CLSTN1: variants seen among roughly 807,000 people sequenced by gnomAD.
The protein encoded by CLSTN1 is calsyntenin 1, also known as calsyntenin-1.
Under a neutral mutation model 108.3 loss-of-function variants are expected in CLSTN1, and 28 were observed. The observed-to-expected ratio is 0.26, with a 90% CI of 0.19 to 0.35. The LOEUF (loss-of-function observed/expected upper bound fraction) is 0.35, where lower values mean the gene tolerates loss of function less well. CLSTN1 is among the 10% of genes least tolerant of loss of function. The pLI, the probability that CLSTN1 is intolerant of heterozygous loss-of-function variation, is 1.00. For synonymous variants in CLSTN1, 524 were observed against 534.9 expected, an observed-to-expected ratio of 0.98 and a Z score of 0.28; for missense variants, 1,157 against 1,302.6, an observed-to-expected ratio of 0.89 and a Z score of 1.72.
chr1:9,752,811 G>A (rs1473322779), intron 4 of CLSTN1, among the ~76,000 whole-genome samples: 7 of 152,118 alleles, frequency 4.6e-5, no homozygotes, highest in African/African-American at 1.2e-4. Flanking sequence ...GCAGTGAGCC[G>A]AGATTGTGCC....
At position 9,735,616 on chromosome 1, in the gene CLSTN1, C is replaced by G; in HGVS notation, c.1735-1G>C. 1 of 1,613,996 alleles carries G rather than the reference C, an allele frequency of 6.2e-7. No individual in the cohort carries two copies. Among genetic ancestry groups the G allele is most frequent in the Non-Finnish European group, 8.5e-7 (1 of 1,179,982 alleles). On this transcript the variant is annotated splice_acceptor_variant, in intron 12 of 18. Transcript: ENST00000377298. LOFTEE classifies it high-confidence loss of function. ...CCAACTGGCTGGGGTGTGCTTGGAT[C>G]TGAAATCACACCAGCCACAGAGAGG...
Position 9,732,027 on chromosome 1 carries a change from G to A in CLSTN1, c.2428-131C>T, listed in dbSNP as rs114745786. ...TCCTGGACCGCAGCTGGGGGCAAAC[G>A]GAGCTACGGGAAAAGGACAGAAAAA... is the stretch of plus-strand genomic sequence containing the variant. On this transcript the variant is annotated intron_variant, in intron 16 of 18. Transcript: ENST00000377298. The A allele has an allele frequency of 1.8e-3, 1,633 of 921,288 alleles. 16 individuals carry two copies. The African/African-American group carries it at 0.024, about 14-fold the overall frequency. The allele number at this position is 921,288 out of a possible 1,614,324, so 57.1% of individuals were successfully genotyped here.
chr1:9,739,139 C>T (rs1247748941), intron 10 of CLSTN1, among the ~76,000 whole-genome samples: 11 of 152,304 alleles, frequency 7.2e-5, no homozygotes, highest in Middle Eastern at 3.4e-3. Context: ...GGAAAAATTA[C>T]ATGCTTATTT....
intron 4 of CLSTN1, among the ~76,000 whole-genome samples, chr1:9,753,637 G>A (rs906802790): frequency 4.6e-5 from 7 of 151,926 alleles, no homozygotes; most frequent in East Asian, 3.9e-4. Flanking sequence ...GACTACAGGC[G>A]CGTGCCACCA....
chr1:9,763,741 T>C (rs929077076), intron 2 of CLSTN1, among the ~76,000 whole-genome samples: 8 of 152,152 alleles, frequency 5.3e-5, no homozygotes, highest in Admixed American at 2.6e-4. Context: ...TGCTCCTCTA[T>C]ACCCCACGCC....
chr1:9,744,501 G>T lies in CLSTN1; in HGVS notation c.1128C>A (p.Gly376=). The stretch of plus-strand genomic sequence containing the variant: ...GCTCTTTGGGGCTGACCGACACGAC[G>T]CCATCCGGGATCCTCACTGCCTGGG... The part of the protein sequence containing the change: ...NGTQAVRIPD[G]VVSVSPKEPF... Residue 376 remains glycine, a synonymous_variant, in exon 8 of 19, where the codon GGC becomes GGA. Coordinates refer to ENST00000377298, the MANE Select transcript of CLSTN1 (RefSeq NM_001009566.3). The T allele has an allele frequency of 6.2e-7, 1 of 1,612,458 alleles. No individual in the cohort carries two copies.
intron 1 of CLSTN1, among the ~76,000 whole-genome samples, chr1:9,798,114 G>C (rs1002397277): frequency 3.0e-5 from 4 of 131,652 alleles, no homozygotes; most frequent in African/African-American, 1.2e-4. Context: ...AAGAGAGAGG[G>C]AGAGAGGGAG....
intron 2 of CLSTN1, among the ~76,000 whole-genome samples, chr1:9,761,805 G>A (rs996146628): frequency 2.6e-5 from 4 of 152,094 alleles, no homozygotes; most frequent in African/African-American, 9.7e-5. Flanking sequence ...TGCTCCTTAC[G>A]TATAACAGCT....
intron 13 of CLSTN1, 127 bp downstream of exon 13, chr1:9,735,340 G>T: frequency 7.0e-7 from 1 of 1,429,334 alleles, no homozygotes; most frequent in Non-Finnish European, 9.8e-7. Flanking sequence ...TCAGCTCTCT[G>T]CCCCACACTT....
chr1:9,740,791 T>C (rs1570439969), intron 10 of CLSTN1, among the ~76,000 whole-genome samples: 1 of 152,220 alleles, frequency 6.6e-6, no homozygotes, highest in African/African-American at 2.4e-5. Context: ...ATAAACGGAT[T>C]AATTTATAAA....
At chr1:9,780,481 C>T (rs1300446963) in intron 1 of CLSTN1, among the ~76,000 whole-genome samples, 2 of 152,052 alleles carry the variant, frequency 1.3e-5, no homozygotes, top group Non-Finnish European at 2.9e-5. Flanking sequence ...GTTAAGGGTT[C>T]GGTGGAAAAA....
Position 9,812,637 on chromosome 1 carries a change from G to A in CLSTN1, c.91+11006C>T, listed in dbSNP as rs1316320258. 6.6e-5 allele frequency among the ~76,000 whole-genome samples: 10 copies of A among 151,932 alleles called. No individual in the cohort carries two copies. The East Asian group carries it at 1.2e-3, about 18-fold the overall frequency. On this transcript the variant is annotated intron_variant, in intron 1 of 18. Coordinates refer to ENST00000377298, the MANE Select transcript of CLSTN1 (RefSeq NM_001009566.3). ...CGAGGCGGGCAGAACACCTGAGGTC[G>A]GGAGTTCAAGACCAGCCTGACAAAC...
At chr1:9,781,678 G>A (rs1653258313) in intron 1 of CLSTN1, among the ~76,000 whole-genome samples, 1 of 152,066 alleles carries the variant, frequency 6.6e-6, no homozygotes, top group Admixed American at 6.6e-5. Flanking sequence ...CCCGGCCTCA[G>A]GTGATCCGCC....
intron 2 of CLSTN1, among the ~76,000 whole-genome samples, chr1:9,764,638 A>T (rs913143706): frequency 2.9e-3 from 48 of 16,418 alleles, no homozygotes; most frequent in East Asian, 4.9e-3. Context: ...CTCCATCTTT[A>T]AAAAAAAAAA....
intron 1 of CLSTN1, among the ~76,000 whole-genome samples, chr1:9,779,573 C>T (rs1007993334): frequency 6.6e-6 from 1 of 152,018 alleles, no homozygotes; most frequent in African/African-American, 2.4e-5. Context: ...AAGAGTGAAA[C>T]TCTGTCTCAA....
chr1:9,756,444 A>T, intron 3 of CLSTN1, 37 bp downstream of exon 3: 1 of 1,576,216 alleles, frequency 6.3e-7, no homozygotes, highest in Non-Finnish European at 8.7e-7. Flanking sequence ...TTAGTGGGTT[A>T]ATATTCATAA....
At chr1:9,737,946 G>A (rs946613668) in intron 10 of CLSTN1, among the ~76,000 whole-genome samples, 10 of 152,170 alleles carry the variant, frequency 6.6e-5, no homozygotes, top group Non-Finnish European at 1.0e-4. Flanking sequence ...ACCAAGTTCC[G>A]GACCAACAGC....
intron 1 of CLSTN1, among the ~76,000 whole-genome samples, chr1:9,777,386 G>T (rs1271063738): frequency 6.6e-6 from 1 of 151,548 alleles, no homozygotes; most frequent in Non-Finnish European, 1.5e-5. Flanking sequence ...AGCTGGGCGT[G>T]GTGGCACACA....
intron 16 of CLSTN1, 151 bp downstream of exon 16, chr1:9,733,250 C>T: frequency 1.1e-6 from 1 of 891,740 alleles, no homozygotes; most frequent in South Asian, 1.6e-5. Flanking sequence ...CTGCAGCAGG[C>T]CCCAGGCTGG....
Sources: allele counts gnomAD v4.1 joint callset (sites outside exome capture counted in the v4.1 genomes callset), GRCh38; gene constraint gnomAD v4.1.1; transcripts MANE v1.5; gene names NCBI Gene and HGNC (gene_info 2026-07-23, HGNC 2026-07-21).